Variants in KCTD16 observed in about 807,000 individuals in gnomAD.
The protein encoded by KCTD16 is potassium channel tetramerization domain containing 16.
KCTD16 carries 13 observed loss-of-function variants against 33.2 expected under a neutral mutation model. That is an observed-to-expected ratio of 0.39 (90% CI 0.25 to 0.62). The LOEUF (loss-of-function observed/expected upper bound fraction) is 0.62. KCTD16 is among the 20% of genes least tolerant of loss of function. The pLI is 0.50. For synonymous variants in KCTD16, 197 were observed against 195.3 expected, an observed-to-expected ratio of 1.01 and a Z score of -0.07; for missense variants, 441 against 525.1, an observed-to-expected ratio of 0.84 and a Z score of 1.57.
chr5:144,269,688 C>T (rs896770299), intron 3 of KCTD16, among the ~76,000 whole-genome samples: 3 of 151,838 alleles, frequency 2.0e-5, no homozygotes, highest in East Asian at 1.9e-4. Context: ...ATACAGGGGC[C>T]GTTATGAAAG....
intron 2 of KCTD16, among the ~76,000 whole-genome samples, chr5:144,181,229 A>G (rs58188311): frequency 0.3 from 45,309 of 151,812 alleles, 7,881 homozygotes; most frequent in African/African-American, 0.48. Context: ...CACCGTGCCC[A>G]GCCTATACTG....
chr5:144,179,045 G>T (rs1317263259), intron 2 of KCTD16, among the ~76,000 whole-genome samples: 1 of 152,170 alleles, frequency 6.6e-6, no homozygotes, highest in Non-Finnish European at 1.5e-5. Flanking sequence ...ATTAAAACTG[G>T]CAGGAACCTT....
chr5:144,439,086 C>G (rs1359506711), intron 3 of KCTD16: 1 of 154,214 alleles, frequency 6.5e-6, no homozygotes, highest in African/African-American at 2.4e-5. Context: ...AATTCAAAAT[C>G]TCTTCCCCAC....
intron 3 of KCTD16, among the ~76,000 whole-genome samples, chr5:144,224,126 A>C (rs1028350923): frequency 1.3e-5 from 2 of 152,174 alleles, no homozygotes; most frequent in African/African-American, 4.8e-5. Flanking sequence ...CAATTATTAG[A>C]AAAATTAAAC....
intron 3 of KCTD16, among the ~76,000 whole-genome samples, chr5:144,209,152 A>T (rs767370098): frequency 6.6e-6 from 1 of 152,238 alleles, no homozygotes; most frequent in Non-Finnish European, 1.5e-5. Context: ...AAAACATAGC[A>T]TCGTAAGAAG....
At chr5:144,184,607 C>A (rs1752689152) in intron 2 of KCTD16, among the ~76,000 whole-genome samples, 2 of 152,190 alleles carry the variant, frequency 1.3e-5, no homozygotes, top group Admixed American at 6.5e-5. Flanking sequence ...ATAGTGGCAA[C>A]ACCATTTTAC....
intron 3 of KCTD16, among the ~76,000 whole-genome samples, chr5:144,370,920 G>A (rs745442344): frequency 4.6e-5 from 7 of 151,920 alleles, no homozygotes; most frequent in African/African-American, 1.5e-4. Context: ...AGTTATTGCC[G>A]TTTTTACCAT....
chr5:144,190,484 C>T (rs1008978691), intron 2 of KCTD16, among the ~76,000 whole-genome samples: 10 of 152,184 alleles, frequency 6.6e-5, no homozygotes, highest in African/African-American at 2.4e-4. Context: ...TGAAATAATG[C>T]TCAGCATAGT....
At chr5:144,302,774 A>G (rs1561560072) in intron 3 of KCTD16, among the ~76,000 whole-genome samples, 1 of 152,242 alleles carries the variant, frequency 6.6e-6, no homozygotes, top group Non-Finnish European at 1.5e-5. Context: ...TTCAAATTGC[A>G]TGAGAGATTA....
At chr5:144,293,558 T>G (rs1755954238) in intron 3 of KCTD16, among the ~76,000 whole-genome samples, 1 of 152,232 alleles carries the variant, frequency 6.6e-6, no homozygotes, top group African/African-American at 2.4e-5. Context: ...TTAAAATATC[T>G]TATAATTTTC....
At chr5:144,300,744 C>A (rs1404778027) in intron 3 of KCTD16, among the ~76,000 whole-genome samples, 1 of 152,084 alleles carries the variant, frequency 6.6e-6, no homozygotes, top group African/African-American at 2.4e-5. Flanking sequence ...ACAGGAGAGT[C>A]CACCCAAAGG....
At chr5:144,349,425 C>A (rs900364218) in intron 3 of KCTD16, among the ~76,000 whole-genome samples, 3 of 152,140 alleles carry the variant, frequency 2.0e-5, no homozygotes, top group African/African-American at 7.2e-5. Flanking sequence ...TGACAAATGG[C>A]AGCTATGATT....
intron 3 of KCTD16, among the ~76,000 whole-genome samples, chr5:144,259,047 A>G (rs2126837450): frequency 6.6e-6 from 1 of 152,226 alleles, no homozygotes. Flanking sequence ...TCACGAGGTT[A>G]GGAGATCGAG....
chr5:144,351,241 T>TTGATCAAA (rs1751420297), intron 3 of KCTD16, among the ~76,000 whole-genome samples: 1 of 152,174 alleles, frequency 6.6e-6, no homozygotes, highest in South Asian at 2.1e-4. Flanking sequence ...ATTGTGAAGG[T>TTGATCAAA]GCTAACAGAT....
chr5:144,440,317 G>A (rs1383235635), intron 3 of KCTD16, among the ~76,000 whole-genome samples: 2 of 152,190 alleles, frequency 1.3e-5, no homozygotes, highest in Middle Eastern at 3.4e-3. Flanking sequence ...ATGCGCCATC[G>A]TCCTTTGTAT....
intron 3 of KCTD16, among the ~76,000 whole-genome samples, chr5:144,252,261 A>G (rs1445979354): frequency 6.6e-6 from 1 of 152,172 alleles, no homozygotes; most frequent in East Asian, 1.9e-4. Context: ...CCAACAATAA[A>G]ATCCAAGTGT....
chr5:144,485,492 AT>A lies in KCTD16; in HGVS notation c.*11380del, dbSNP rs994155561. On this transcript the variant is annotated 3_prime_UTR_variant, in exon 4 of 4. Coordinates refer to ENST00000512467, the MANE Select transcript of KCTD16 (RefSeq NM_020768.4). ...TAAATGATACAGGTGCAGTATCAGT[AT>A]TGTAAAATTGTATGGTGAAAACTAC... 1 of 151,904 alleles carries A rather than the reference AT, an allele frequency of 6.6e-6. No individual in the cohort carries two copies. Among genetic ancestry groups the A allele is most frequent in the Non-Finnish European group, 1.5e-5 (1 of 67,890 alleles). The allele number at this position is 151,904 out of a possible 1,614,324, so 9.4% of individuals were successfully genotyped here. A position where few individuals can be genotyped will look rare whatever the true frequency, so the allele number is the denominator to read the frequency against.
chr5:144,293,391 A>C (rs1320802359), intron 3 of KCTD16, among the ~76,000 whole-genome samples: 2 of 152,192 alleles, frequency 1.3e-5, no homozygotes, highest in Admixed American at 1.3e-4. Context: ...CCAATCATTT[A>C]ATGGTCCATG....
chr5:144,467,547 C>T lies in KCTD16; in HGVS notation c.833-6113C>T, dbSNP rs377577319. ...AAGCCAATAAACCTAGAAACCCACC[C>T]GTGTTTACACATTATGGTGCCGTGA... On this transcript the variant is annotated intron_variant, in intron 3 of 3. Coordinates refer to ENST00000512467, the MANE Select transcript of KCTD16 (RefSeq NM_020768.4). Among the ~76,000 whole-genome samples, 27 of 152,244 alleles carry T rather than the reference C, an allele frequency of 1.8e-4. No individual in the cohort carries two copies. In the East Asian group the frequency reaches 4.4e-3, roughly 25 times the overall value.
Sources: allele counts gnomAD v4.1 joint callset (sites outside exome capture counted in the v4.1 genomes callset), GRCh38; gene constraint gnomAD v4.1.1; transcripts MANE v1.5; gene names NCBI Gene and HGNC (gene_info 2026-07-23, HGNC 2026-07-21).